SQSTM1: variants seen among roughly 807,000 people sequenced by gnomAD.
The protein encoded by SQSTM1 is sequestosome-1.
Under a neutral mutation model 45.1 loss-of-function variants are expected in SQSTM1, and 36 were observed. The ratio of observed to expected loss-of-function variants is 0.80; its 90% CI spans 0.61 to 1.05. The LOEUF (loss-of-function observed/expected upper bound fraction) is 1.05. Among genes scored for constraint, SQSTM1 ranks in the 50% least tolerant of loss-of-function variants. The probability of loss-of-function intolerance (pLI) is 0.00; values close to 1 mark genes in which losing one functional copy is unlikely to be tolerated. For synonymous variants in SQSTM1, 290 were observed against 244.3 expected (o/e 1.19, Z -1.74); for missense variants, 617 against 607.1 (o/e 1.02, Z -0.17).
At chr5:179,827,239 A>G (rs1214564900) in intron 5 of SQSTM1, among the ~76,000 whole-genome samples, 5 of 152,190 alleles carry the variant, frequency 3.3e-5, no homozygotes, top group African/African-American at 4.8e-5. Context: ...GTGCTGGTGC[A>G]GCATCTCGGA....
intron 1 of SQSTM1, among the ~76,000 whole-genome samples, chr5:179,822,041 T>C (rs570520726): frequency 9.2e-5 from 14 of 152,322 alleles, no homozygotes; most frequent in Admixed American, 7.8e-4. Context: ...TTTTCATAGG[T>C]TTGTGGACCA....
intron 5 of SQSTM1, among the ~76,000 whole-genome samples, chr5:179,826,639 C>T (rs1387059809): frequency 6.8e-6 from 1 of 147,056 alleles, no homozygotes; most frequent in African/African-American, 2.5e-5. Flanking sequence ...TCACCCTTGT[C>T]GCCTAGGCTG....
rs186740295 is a variant in SQSTM1 at position 179,832,819 on chromosome 5, G to C, written c.755-213G>C. On this transcript the variant is annotated intron_variant, in intron 5 of 7. Coordinates refer to ENST00000389805, the MANE Select transcript of SQSTM1 (RefSeq NM_003900.5). ...TCTGACTCATGGGTTTGTATCGTCTGGTCCCATACTGGCTGTGTGATTGCG... is the reference window on the plus strand; with the variant it reads ...TCTGACTCATGGGTTTGTATCGTCTCGTCCCATACTGGCTGTGTGATTGCG... Among the ~76,000 whole-genome samples, 394 of 152,250 alleles carry C rather than the reference G, an allele frequency of 2.6e-3. 1 individual carries two copies. Among genetic ancestry groups the C allele is most frequent in the Non-Finnish European group, 4.9e-3 (330 of 68,020 alleles).
At chr5:179,821,766 G>A (rs571999116) in intron 1 of SQSTM1, 1 of 325,170 alleles carries the variant, frequency 3.1e-6, no homozygotes, top group South Asian at 2.2e-5. Flanking sequence ...AGAAGTGTTG[G>A]TGTTGGCACA....
At position 179,821,102 on chromosome 5, in the gene SQSTM1, C is replaced by T; in HGVS notation, c.166C>T (p.Pro56Ser). 2 of 1,421,104 alleles carry T rather than the reference C, an allele frequency of 1.4e-6. No homozygotes were observed. The highest frequency in any genetic ancestry group is 1.8e-6 in the Non-Finnish European group (2 of 1,090,454). 88.0% of individuals were successfully genotyped at this position (1,421,104 alleles called of 1,614,324 possible). Residue 56 changes from proline (P) to serine (S), a missense_variant, in exon 1 of 8, where the codon CCC becomes TCC. Pro to Ser is a moderately conservative substitution (Grantham distance 74). Transcript: ENST00000389805. ...RLLSRVAALF[P>S]ALRPGGFQAH... Reference sequence around the variant, plus strand: ...GCTGAGCCGGGTGGCCGCCCTGTTCCCCGCGCTGCGGCCTGGCGGCTTCCA... The same window carrying T: ...GCTGAGCCGGGTGGCCGCCCTGTTCTCCGCGCTGCGGCCTGGCGGCTTCCA...
chr5:179,820,912 GT>G lies in SQSTM1; in HGVS notation c.-21del. ...GCGGCGGCTGCGACCGGGACGGCCC[GT>G]TTTCCGCCAGCTCGCCGCTCGCTAT... On this transcript the variant is annotated 5_prime_UTR_variant, in exon 1 of 8. Transcript: ENST00000389805. 1.3e-6 allele frequency: 2 copies of G among 1,498,276 alleles called. No homozygotes were observed. The highest frequency in any genetic ancestry group is 1.8e-6 in the Non-Finnish European group (2 of 1,122,640). The allele number at this position is 1,498,276 out of a possible 1,614,324, so 92.8% of individuals were successfully genotyped here.
intron 7 of SQSTM1, among the ~76,000 whole-genome samples, chr5:179,834,586 G>T (rs1179217786): frequency 2.7e-4 from 41 of 151,712 alleles, no homozygotes; most frequent in African/African-American, 4.1e-4. Context: ...GTGTCCCTGG[G>T]TACTTGAGAT....
chr5:179,817,147 G>A (rs1757605914), upstream of SQSTM1, among the ~76,000 whole-genome samples: 1 of 151,432 alleles, frequency 6.6e-6, no homozygotes, highest in Non-Finnish European at 1.5e-5. Context: ...GGTGGGGTGG[G>A]CCGGGTTCGG....
chr5:179,812,010 T>G (rs1276650578), intron 2 of SQSTM1: 3 of 152,092 alleles, frequency 2.0e-5, no homozygotes, highest in Non-Finnish European at 4.4e-5. Flanking sequence ...TTCACCGTGT[T>G]AGCCAGGATG....
At chr5:179,822,137 CTTTCTG>C (rs1757807297) in intron 1 of SQSTM1, among the ~76,000 whole-genome samples, 1 of 152,208 alleles carries the variant, frequency 6.6e-6, no homozygotes, top group Non-Finnish European at 1.5e-5. Context: ...CAGCAACCTC[CTTTCTG>C]TATCTATTCA....
intron 5 of SQSTM1, among the ~76,000 whole-genome samples, chr5:179,825,512 G>C (rs1244983922): frequency 6.6e-6 from 1 of 152,226 alleles, no homozygotes; most frequent in African/African-American, 2.4e-5. Flanking sequence ...GGTCTTGCCT[G>C]TCACCTCTGA....
At chr5:179,821,449 G>A (rs1757776144) in intron 1 of SQSTM1, 1 of 599,592 alleles carries the variant, frequency 1.7e-6, no homozygotes. Flanking sequence ...CCGCGCTGTT[G>A]GGGATTTTGG....
chr5:179,826,414 G>T (rs1216719824), intron 5 of SQSTM1, among the ~76,000 whole-genome samples: 1 of 151,866 alleles, frequency 6.6e-6, no homozygotes, highest in Admixed American at 6.6e-5. Flanking sequence ...TGATCCACCC[G>T]TCTTGGCCTC....
intron 7 of SQSTM1, chr5:179,835,232 T>TCCCAGACGA: frequency 5.8e-6 from 1 of 171,716 alleles, no homozygotes; most frequent in African/African-American, 2.7e-5. Flanking sequence ...GCTCCTCACA[T>TCCCAGACGA]TCCAGACGAT....
At chr5:179,816,792 G>A (rs1562642933), upstream of SQSTM1, among the ~76,000 whole-genome samples, 1 of 151,880 alleles carries the variant, frequency 6.6e-6, no homozygotes, top group Non-Finnish European at 1.5e-5. Context: ...CCTTGTCGCC[G>A]CCCCCCCGTC....
upstream of SQSTM1, chr5:179,820,047 C>T (rs1287603566): frequency 1.9e-4 from 29 of 152,878 alleles, no homozygotes; most frequent in Non-Finnish European, 4.4e-5. Context: ...TCTCCTTGCC[C>T]CAGTTCTGGC....
intron 4 of SQSTM1, among the ~76,000 whole-genome samples, chr5:179,824,874 C>T (rs1397740780): frequency 1.3e-5 from 2 of 151,994 alleles, no homozygotes; most frequent in Admixed American, 1.3e-4. Context: ...TCAATATTCA[C>T]AGTGTACTGA....
intron 2 of SQSTM1, chr5:179,811,738 T>C (rs1757409490): frequency 6.6e-6 from 1 of 152,138 alleles, no homozygotes; most frequent in African/African-American, 2.4e-5. Context: ...CCTATTTATC[T>C]TCGGACTTCT....
At chr5:179,826,426 C>CA (rs1561599877) in intron 5 of SQSTM1, among the ~76,000 whole-genome samples, 1 of 151,994 alleles carries the variant, frequency 6.6e-6, no homozygotes, top group Non-Finnish European at 1.5e-5. Context: ...CTTGGCCTCC[C>CA]AAAGTGCTGG....
Sources: allele counts gnomAD v4.1 joint callset (sites outside exome capture counted in the v4.1 genomes callset), GRCh38; gene constraint gnomAD v4.1.1; transcripts MANE v1.5; gene names NCBI Gene and HGNC (gene_info 2026-07-23, HGNC 2026-07-21).